SCD5: variants seen among roughly 807,000 people sequenced by gnomAD.
SCD5 encodes the protein stearoyl-CoA desaturase 5.
In SCD5, 20 loss-of-function variants were observed where a neutral mutation model predicts 30.4. The ratio of observed to expected loss-of-function variants is 0.66; its 90% confidence interval spans 0.46 to 0.96. The LOEUF (loss-of-function observed/expected upper bound fraction) is 0.96. Among genes scored for constraint, SCD5 ranks in the 40% least tolerant of loss-of-function variants. The pLI is 0.00. For synonymous variants in SCD5, 173 were observed against 176.4 expected, an observed-to-expected ratio of 0.98 and a Z score of 0.16; for missense variants, 381 against 443.3, an observed-to-expected ratio of 0.86 and a Z score of 1.26.
chr4:82,798,326 T>C lies in SCD5; in HGVS notation c.212A>G (p.Lys71Arg), dbSNP rs138926910. 12 of 1,610,682 alleles carry C rather than the reference T, an allele frequency of 7.5e-6. No homozygotes were observed. In the African/African-American group the frequency reaches 1.3e-4, roughly 18 times the overall value. Residue 71 changes from lysine (K) to arginine (R), a missense_variant, in exon 1 of 5, where the codon AAG becomes AGG. Physicochemically the swap from Lys to Arg is conservative, Grantham distance 26. Transcript: ENST00000319540. ...CTTACCCCAGAGCAGAGTGAGTGGC[T>C]TGGCTTTGGGGATGAGCACCAGGGA... ...VYSLVLIPKA[K>R]PLTLLWAYFC...
At chr4:82,654,060 G>T (rs115844322) in intron 3 of SCD5, among the ~76,000 whole-genome samples, 2 of 151,822 alleles carry the variant, frequency 1.3e-5, no homozygotes, top group Admixed American at 6.6e-5. Context: ...TGGGATTACA[G>T]GTGTCTGCCA....
intron 3 of SCD5, among the ~76,000 whole-genome samples, chr4:82,673,896 A>G (rs937060881): frequency 6.6e-6 from 1 of 152,160 alleles, no homozygotes; most frequent in Admixed American, 6.5e-5. Flanking sequence ...AAGGGAATAC[A>G]ATAGAGAAAA....
chr4:82,731,013 AC>A (rs2148835595), intron 1 of SCD5, among the ~76,000 whole-genome samples: 1 of 152,132 alleles, frequency 6.6e-6, no homozygotes, highest in East Asian at 1.9e-4. Context: ...TACACAGGAA[AC>A]CCCCAGACCC....
chr4:82,640,998 T>C (rs931562874), intron 3 of SCD5, among the ~76,000 whole-genome samples: 1 of 152,236 alleles, frequency 6.6e-6, no homozygotes, highest in Non-Finnish European at 1.5e-5. Context: ...TGACCTTGAA[T>C]GAATTATTTA....
chr4:82,773,743 C>T (rs1415428107), intron 1 of SCD5, among the ~76,000 whole-genome samples: 1 of 152,130 alleles, frequency 6.6e-6, no homozygotes, highest in East Asian at 1.9e-4. Context: ...CTAGACATTG[C>T]CAAATGCCTC....
intron 2 of SCD5, among the ~76,000 whole-genome samples, chr4:82,696,447 A>G (rs1015046290): frequency 2.0e-5 from 3 of 152,204 alleles, no homozygotes; most frequent in African/African-American, 7.2e-5. Context: ...GGAAGAGGCC[A>G]CTAACAGAAG....
At chr4:82,767,501 C>G (rs1277585784) in intron 1 of SCD5, among the ~76,000 whole-genome samples, 1 of 152,162 alleles carries the variant, frequency 6.6e-6, no homozygotes, top group Non-Finnish European at 1.5e-5. Context: ...TTGGAGATCT[C>G]CGTCCTGTTC....
intron 3 of SCD5, among the ~76,000 whole-genome samples, chr4:82,657,750 T>G (rs944136645): frequency 4.6e-5 from 7 of 152,196 alleles, no homozygotes; most frequent in Non-Finnish European, 1.0e-4. Flanking sequence ...GTTTTTCCAT[T>G]TGTTTGTATC....
intron 3 of SCD5, among the ~76,000 whole-genome samples, chr4:82,665,712 A>G (rs1728170963): frequency 6.6e-6 from 1 of 152,190 alleles, no homozygotes; most frequent in Admixed American, 6.5e-5. Flanking sequence ...TTCAGGCAGA[A>G]GGAAGATATC....
chr4:82,655,147 G>C (rs1727843294), intron 3 of SCD5, among the ~76,000 whole-genome samples: 1 of 151,930 alleles, frequency 6.6e-6, no homozygotes, highest in Admixed American at 6.6e-5. Context: ...TACAAATTTG[G>C]GAGTCCCTGA....
At chr4:82,786,653 A>G (rs1204408853) in intron 1 of SCD5, among the ~76,000 whole-genome samples, 2 of 151,984 alleles carry the variant, frequency 1.3e-5, no homozygotes, top group Non-Finnish European at 2.9e-5. Context: ...TTAGCTCGGC[A>G]TGGTGGTGCA....
chr4:82,661,544 G>A (rs1381674496), intron 3 of SCD5, among the ~76,000 whole-genome samples: 1 of 152,182 alleles, frequency 6.6e-6, no homozygotes, highest in Non-Finnish European at 1.5e-5. Flanking sequence ...GAAAATTGCT[G>A]TCACAAGGAC....
intron 4 of SCD5, among the ~76,000 whole-genome samples, chr4:82,634,405 T>C (rs1376530775): frequency 6.6e-6 from 1 of 152,222 alleles, no homozygotes; most frequent in Non-Finnish European, 1.5e-5. Context: ...TTTCGCTCTA[T>C]AACGAGTACC....
Position 82,746,156 on chromosome 4 carries a change from T to C in SCD5, c.233-40743A>G, listed in dbSNP as rs138535546. On this transcript the variant is annotated intron_variant, in intron 1 of 4. Coordinates refer to ENST00000319540, the MANE Select transcript of SCD5 (RefSeq NM_001037582.3). The stretch of plus-strand genomic sequence containing the variant: ...AACTGAGATCCTATGGCAACTGGAG[T>C]CACACATGCTGAGCAGTACCGGAGA... Among the ~76,000 whole-genome samples the C allele has an allele frequency of 9.2e-5, 14 of 152,266 alleles. No homozygotes were observed. In the East Asian group the frequency reaches 2.7e-3, roughly 29 times the overall value.
At chr4:82,712,411 G>C (rs1051868703) in intron 1 of SCD5, among the ~76,000 whole-genome samples, 6 of 146,804 alleles carry the variant, frequency 4.1e-5, no homozygotes, top group African/African-American at 1.5e-4. Flanking sequence ...TCTGCCTCCC[G>C]GGTTCAAGCC....
intron 1 of SCD5, among the ~76,000 whole-genome samples, chr4:82,710,232 G>A (rs1433094311): frequency 6.6e-6 from 1 of 152,112 alleles, no homozygotes; most frequent in Non-Finnish European, 1.5e-5. Context: ...GCCTCATAAG[G>A]TACACCCTCT....
chr4:82,720,617 C>T lies in SCD5; in HGVS notation c.233-15204G>A, dbSNP rs1020633294. Reference sequence around the variant, plus strand: ...GGGGAAATCACCCTTCTGCAATCCCCAATTGTGTCTGATGCTGTTGAGCAC... The same window carrying T: ...GGGGAAATCACCCTTCTGCAATCCCTAATTGTGTCTGATGCTGTTGAGCAC... On this transcript the variant is annotated intron_variant, in intron 1 of 4. Coordinates refer to ENST00000319540, the MANE Select transcript of SCD5 (RefSeq NM_001037582.3). 6.6e-5 allele frequency among the ~76,000 whole-genome samples: 10 copies of T among 151,942 alleles called. No homozygotes were observed. In the East Asian group the frequency reaches 1.9e-3, roughly 29 times the overall value.
At chr4:82,712,082 T>C (rs1177496669) in intron 1 of SCD5, among the ~76,000 whole-genome samples, 3 of 148,902 alleles carry the variant, frequency 2.0e-5, no homozygotes, top group Admixed American at 1.3e-4. Flanking sequence ...ACCACAAGTG[T>C]AGGGGGTAGG....
At chr4:82,711,245 C>G (rs540738475) in intron 1 of SCD5, among the ~76,000 whole-genome samples, 109 of 152,124 alleles carry the variant, frequency 7.2e-4, no homozygotes, top group African/African-American at 2.6e-3. Flanking sequence ...ACTTGTGGTT[C>G]TGATGAGGAG....
Sources: gnomAD v4.1 joint callset for allele counts (sites outside exome capture counted in the v4.1 genomes callset) on GRCh38, gnomAD v4.1.1 for gene constraint, MANE v1.5 for transcripts, NCBI Gene and HGNC (gene_info 2026-07-23, HGNC 2026-07-21) for gene names.